KIF2A: variants seen among roughly 807,000 people sequenced by gnomAD.
KIF2A encodes the protein kinesin-like protein KIF2A.
In KIF2A, 22 loss-of-function variants were observed where a neutral mutation model predicts 100.2. The ratio of observed to expected loss-of-function variants is 0.22; its 90% CI spans 0.16 to 0.31. The LOEUF (loss-of-function observed/expected upper bound fraction) is 0.31. Among genes scored for constraint, KIF2A ranks in the 10% least tolerant of loss-of-function variants. The pLI, the probability that KIF2A is intolerant of heterozygous loss-of-function variation, is 1.00. For synonymous variants in KIF2A, 268 were observed against 285.9 expected (o/e 0.94, Z 0.63); for missense variants, 495 against 898.7 (o/e 0.55, Z 5.74).
intron 1 of KIF2A, among the ~76,000 whole-genome samples, chr5:62,332,710 C>G (rs1746715732): frequency 6.6e-6 from 1 of 152,132 alleles, no homozygotes; most frequent in Non-Finnish European, 1.5e-5. Context: ...TCAACACGAA[C>G]TCCCTAACCA....
chr5:62,384,080 T>TA (rs1423455909), intron 20 of KIF2A, among the ~76,000 whole-genome samples: 1 of 151,952 alleles, frequency 6.6e-6, no homozygotes, highest in Non-Finnish European at 1.5e-5. Context: ...CTACTAAAAA[T>TA]ACAAAAATTA....
At chr5:62,309,346 A>G (rs913981998) in intron 1 of KIF2A, among the ~76,000 whole-genome samples, 1 of 152,156 alleles carries the variant, frequency 6.6e-6, no homozygotes, top group Non-Finnish European at 1.5e-5. Flanking sequence ...ATCCTAACCT[A>G]TGGTCATGTA....
chr5:62,336,509 C>G (rs570819969), intron 1 of KIF2A, among the ~76,000 whole-genome samples: 1 of 152,194 alleles, frequency 6.6e-6, no homozygotes, highest in Admixed American at 6.5e-5. Flanking sequence ...CTAGAAAACC[C>G]CCATGTCTGG....
intron 1 of KIF2A, among the ~76,000 whole-genome samples, chr5:62,315,344 T>C (rs1316989810): frequency 1.3e-5 from 2 of 152,052 alleles, no homozygotes; most frequent in African/African-American, 4.8e-5. Flanking sequence ...GGTATCAGTA[T>C]TTTACTTTAA....
At chr5:62,312,907 C>T (rs1745623389) in intron 1 of KIF2A, among the ~76,000 whole-genome samples, 1 of 152,134 alleles carries the variant, frequency 6.6e-6, no homozygotes, top group Non-Finnish European at 1.5e-5. Context: ...TTACCCACTA[C>T]AATAAAACAC....
Position 62,389,120 on chromosome 5 carries a change from C to G in KIF2A, c.*3551C>G. 1 of 1,303,186 alleles carries G rather than the reference C, an allele frequency of 7.7e-7. No individual in the cohort carries two copies. Among genetic ancestry groups the G allele is most frequent in the Non-Finnish European group, 1.1e-6 (1 of 918,292 alleles). The allele number at this position is 1,303,186 out of a possible 1,614,324, so 80.7% of individuals were successfully genotyped here. A position where few individuals can be genotyped will look rare whatever the true frequency, so the allele number is the denominator to read the frequency against. On this transcript the variant is annotated 3_prime_UTR_variant, in exon 21 of 21. Transcript: ENST00000407818. The stretch of plus-strand genomic sequence containing the variant: ...TTGTAGCACATAACGGTATATAGTT[C>G]TATACCATTAATACTAAAACATGAA...
intron 16 of KIF2A, among the ~76,000 whole-genome samples, chr5:62,369,502 TG>T (rs1201185481): frequency 6.6e-6 from 1 of 152,198 alleles, no homozygotes; most frequent in East Asian, 1.9e-4. Context: ...GTCTCTCCCT[TG>T]ACACTTGGAG....
chr5:62,348,177 GAAAATT>G lies in KIF2A; in HGVS notation c.279+11_279+16del. 6.2e-7 allele frequency: 1 copy of G among 1,613,228 alleles called. No individual in the cohort carries two copies. The highest frequency in any genetic ancestry group is 8.5e-7 in the Non-Finnish European group (1 of 1,179,472). On this transcript the variant is annotated intron_variant, in intron 3 of 20. Transcript: ENST00000407818. ...AAACAAAATTGTAAAGGTTAGTGAT[GAAAATT>G]CAGAGTGCAGGACACTGGGAGAGAG... is the stretch of plus-strand genomic sequence containing the variant.
At chr5:62,329,819 G>A (rs796750476) in intron 1 of KIF2A, among the ~76,000 whole-genome samples, 3 of 152,216 alleles carry the variant, frequency 2.0e-5, no homozygotes, top group African/African-American at 4.8e-5. Context: ...ATTTTCATGC[G>A]CTTGAAGGAG....
chr5:62,356,637 G>C (rs2111937286), intron 7 of KIF2A, among the ~76,000 whole-genome samples: 1 of 152,250 alleles, frequency 6.6e-6, no homozygotes, highest in African/African-American at 2.4e-5. Flanking sequence ...AAATTATTTG[G>C]CTCAGTAATC....
At chr5:62,354,694 CAAAT>C (rs1055075558) in intron 6 of KIF2A, among the ~76,000 whole-genome samples, 3 of 152,132 alleles carry the variant, frequency 2.0e-5, no homozygotes, top group Admixed American at 1.3e-4. Context: ...AAAATGAAGA[CAAAT>C]GAATCTGTAT....
intron 6 of KIF2A, among the ~76,000 whole-genome samples, chr5:62,354,261 G>C (rs1455173851): frequency 6.6e-6 from 1 of 152,030 alleles, no homozygotes; most frequent in Non-Finnish European, 1.5e-5. Flanking sequence ...TTTCCTGTGG[G>C]TACTTCATAA....
intron 18 of KIF2A, among the ~76,000 whole-genome samples, chr5:62,377,213 G>C (rs986210867): frequency 3.9e-5 from 6 of 152,156 alleles, no homozygotes; most frequent in African/African-American, 1.4e-4. Flanking sequence ...TGATAGTCAT[G>C]AAAGACATTT....
rs960287143 is a variant in KIF2A, at chr5:62,387,307, C to G, written c.*1738C>G. 6.6e-6 allele frequency: 1 copy of G among 152,084 alleles called. No homozygotes were observed. Among genetic ancestry groups the G allele is most frequent in the Non-Finnish European group, 1.5e-5 (1 of 68,008 alleles). The allele number at this position is 152,084 out of a possible 1,614,324, so 9.4% of individuals were successfully genotyped here. On this transcript the variant is annotated 3_prime_UTR_variant, in exon 21 of 21. Coordinates refer to ENST00000407818, the MANE Select transcript of KIF2A (RefSeq NM_001098511.3). ...GAAGAGGAAGGATGGAGAACTGTTACAATTGACCTTGCAAAGGATATTTAA... is the reference window on the plus strand; with the variant it reads ...GAAGAGGAAGGATGGAGAACTGTTAGAATTGACCTTGCAAAGGATATTTAA...
intron 1 of KIF2A, among the ~76,000 whole-genome samples, chr5:62,340,998 G>A (rs1050679451): frequency 6.6e-6 from 1 of 152,186 alleles, no homozygotes; most frequent in Non-Finnish European, 1.5e-5. Context: ...GGTATTGTAG[G>A]TAGTGTAGAT....
intron 1 of KIF2A, among the ~76,000 whole-genome samples, chr5:62,340,974 C>T (rs1292862804): frequency 1.3e-5 from 2 of 152,024 alleles, no homozygotes; most frequent in Non-Finnish European, 2.9e-5. Context: ...CAAATAAAAG[C>T]CCCATGCTGC....
chr5:62,362,326 T>C (rs1024474951), intron 11 of KIF2A, 124 bp from the exon 12 acceptor site: 18 of 396,566 alleles, frequency 4.5e-5, no homozygotes, highest in Non-Finnish European at 8.2e-5. Flanking sequence ...CACTTTCTCA[T>C]TTTTATTATT....
intron 9 of KIF2A, among the ~76,000 whole-genome samples, 189 bp from the exon 10 acceptor site, chr5:62,361,053 T>C (rs937174683): frequency 1.3e-5 from 2 of 152,192 alleles, no homozygotes; most frequent in Non-Finnish European, 2.9e-5. Context: ...TTTAAGTAAT[T>C]TTAGCATATG....
chr5:62,308,104 C>T (rs1395422293), intron 1 of KIF2A, among the ~76,000 whole-genome samples: 1 of 152,172 alleles, frequency 6.6e-6, no homozygotes, highest in African/African-American at 2.4e-5. Context: ...ATTTTTTCCT[C>T]CGTTATATTT....
Sources: allele counts gnomAD v4.1 joint callset (sites outside exome capture counted in the v4.1 genomes callset), GRCh38; gene constraint gnomAD v4.1.1; transcripts MANE v1.5; gene names NCBI Gene and HGNC (gene_info 2026-07-23, HGNC 2026-07-21).